SMAP2: variants seen among roughly 807,000 people sequenced by gnomAD.
SMAP2 encodes small ArfGAP2, also known as stromal membrane-associated protein 2.
A neutral mutation model predicts 56.4 loss-of-function variants in SMAP2; 25 were observed. The ratio of observed to expected loss-of-function variants is 0.44; its 90% CI spans 0.32 to 0.62. The LOEUF is 0.62. SMAP2 is among the 20% of genes least tolerant of loss of function. The probability of loss-of-function intolerance (pLI) is 0.04; values close to 1 mark genes in which losing one functional copy is unlikely to be tolerated. For synonymous variants in SMAP2, 157 were observed against 181.7 expected, an observed-to-expected ratio of 0.86 and a Z score of 1.09; for missense variants, 388 against 545.6, an observed-to-expected ratio of 0.71 and a Z score of 2.88.
intron 1 of SMAP2, among the ~76,000 whole-genome samples, chr1:40,394,424 A>G (rs1569875053): frequency 1.3e-5 from 2 of 152,066 alleles, no homozygotes; most frequent in African/African-American, 4.8e-5. Context: ...TCAGATTTTT[A>G]AGTTTTATCT....
At chr1:40,383,648 G>C (rs940910769) in intron 1 of SMAP2, among the ~76,000 whole-genome samples, 1 of 152,156 alleles carries the variant, frequency 6.6e-6, no homozygotes, top group Admixed American at 6.5e-5. Context: ...ATATACTTAG[G>C]GGGTATGACT....
intron 7 of SMAP2, 72 bp downstream of exon 7, chr1:40,415,453 C>A: frequency 1.0e-6 from 1 of 984,022 alleles, no homozygotes; most frequent in Non-Finnish European, 1.6e-6. Context: ...AATCATGGAA[C>A]CACGTCATGC....
intron 1 of SMAP2, among the ~76,000 whole-genome samples, chr1:40,349,433 G>A (rs188384988): frequency 1.3e-5 from 2 of 152,278 alleles, no homozygotes; most frequent in East Asian, 3.9e-4. Flanking sequence ...CTTGCCTCAA[G>A]TCACACAGCT....
At chr1:40,372,291 T>C (rs1166928600), upstream of SMAP2, among the ~76,000 whole-genome samples, 1 of 152,110 alleles carries the variant, frequency 6.6e-6, no homozygotes, top group Non-Finnish European at 1.5e-5. Context: ...GTTGTTGTTG[T>C]TTGAGACAGG....
intron 2 of SMAP2, among the ~76,000 whole-genome samples, chr1:40,365,554 G>A (rs1569827252): frequency 1.3e-5 from 2 of 152,248 alleles, no homozygotes; most frequent in East Asian, 3.9e-4. Flanking sequence ...GGCCGAATAG[G>A]AACAGCTCCG....
intron 1 of SMAP2, among the ~76,000 whole-genome samples, chr1:40,383,337 C>G (rs1158266827): frequency 6.6e-6 from 1 of 152,196 alleles, no homozygotes; most frequent in Admixed American, 6.5e-5. Flanking sequence ...CTCTTATCCT[C>G]CTCAGTGCCT....
chr1:40,406,633 A>G, intron 1 of SMAP2, 103 bp from the exon 2 acceptor site: 2 of 1,312,162 alleles, frequency 1.5e-6, no homozygotes, highest in Non-Finnish European at 2.1e-6. Context: ...GGTAAAAATT[A>G]TTTCACTTAT....
chr1:40,403,618 C>T, intron 1 of SMAP2: 6 of 983,878 alleles, frequency 6.1e-6, no homozygotes, highest in Non-Finnish European at 7.2e-6. Flanking sequence ...GAAGTGGGTT[C>T]TGGAAACCTT....
chr1:40,394,082 T>C (rs1018565729), intron 1 of SMAP2, among the ~76,000 whole-genome samples: 2 of 152,216 alleles, frequency 1.3e-5, no homozygotes, highest in Admixed American at 6.5e-5. Flanking sequence ...TTCATTCATA[T>C]GCTTGTTTTC....
chr1:40,414,021 C>G, intron 5 of SMAP2, 138 bp from the exon 6 acceptor site: 6 of 706,652 alleles, frequency 8.5e-6, no homozygotes, highest in Non-Finnish European at 1.2e-5. Context: ...CCTAATACTT[C>G]CTGAGTTTTG....
chr1:40,422,315 A>G lies in SMAP2; in HGVS notation c.*214A>G, dbSNP rs1358490516. 3.6e-6 allele frequency: 2 copies of G among 560,860 alleles called. No homozygotes were observed. The highest frequency in any genetic ancestry group is 1.9e-5 in the African/African-American group (1 of 52,582). The allele number at this position is 560,860 out of a possible 1,614,324, so 34.7% of individuals were successfully genotyped here. Reference sequence around the variant, plus strand: ...TTGTACATGCCCCATAGCCATCCCAACGTCCTCCCCAGTCCTCTCCTGGCA... The same window carrying G: ...TTGTACATGCCCCATAGCCATCCCAGCGTCCTCCCCAGTCCTCTCCTGGCA... On this transcript the variant is annotated 3_prime_UTR_variant, in exon 10 of 10. Coordinates refer to ENST00000372718, the MANE Select transcript of SMAP2 (RefSeq NM_022733.3).
chr1:40,363,882 G>A lies in SMAP2; in HGVS notation c.55+1446G>A, dbSNP rs539004869. On this transcript the variant is annotated intron_variant, in intron 2 of 6. Transcript: ENST00000435168. Reference sequence around the variant, plus strand: ...CAACCCTGGGCAGAACTCAGCTGGTGCCCCCAGAGGCAGCATTTAGACCAG... The same window carrying A: ...CAACCCTGGGCAGAACTCAGCTGGTACCCCCAGAGGCAGCATTTAGACCAG... Among the ~76,000 whole-genome samples, 3 of 152,282 alleles carry A rather than the reference G, an allele frequency of 2.0e-5. No individual in the cohort carries two copies. The East Asian group carries it at 5.8e-4, about 29-fold the overall frequency.
At position 40,408,313 on chromosome 1, in the gene SMAP2, G is replaced by A. The variant is rs1644904917; in HGVS notation, c.238-340G>A. The stretch of plus-strand genomic sequence containing the variant: ...AGTATAAACTCAGAATGATAACACT[G>A]ATCATTGCCTGCCAAGTAGACATTT... On this transcript the variant is annotated intron_variant, in intron 2 of 9. Transcript: ENST00000372718. This position sits in a 1 kb window ranked among gnomAD's most constrained non-coding sequence, Gnocchi z 4.3. Among the ~76,000 whole-genome samples the A allele has an allele frequency of 6.6e-6, 1 of 152,316 alleles. No homozygotes were observed.
intron 1 of SMAP2, chr1:40,393,215 A>G (rs888355393): frequency 5.6e-6 from 6 of 1,066,812 alleles, no homozygotes; most frequent in Non-Finnish European, 7.8e-6. Context: ...AGTCCCAGCT[A>G]CTCAAGAAGC....
chr1:40,347,258 T>TGTG (rs1557819108), intron 1 of SMAP2, among the ~76,000 whole-genome samples: 1 of 141,830 alleles, frequency 7.1e-6, no homozygotes, highest in Non-Finnish European at 1.5e-5. Flanking sequence ...TTTGTTTTTT[T>TGTG]TTTTTTTTTT....
chr1:40,353,258 T>C (rs1032913606), intron 1 of SMAP2, among the ~76,000 whole-genome samples: 1 of 152,212 alleles, frequency 6.6e-6, no homozygotes, highest in African/African-American at 2.4e-5. Context: ...TCTTCCTTCA[T>C]TGGAAGATGA....
rs139782455 is a variant in SMAP2 at position 40,406,968 on chromosome 1, G to C, written c.237+99G>C. ...ACCTGGCACAAAGGTGAAGATAAAGGAAAATTTAGTTGTTAAACACTTAAC... is the reference window on the plus strand; with the variant it reads ...ACCTGGCACAAAGGTGAAGATAAAGCAAAATTTAGTTGTTAAACACTTAAC... On this transcript the variant is annotated intron_variant, in intron 2 of 9. Transcript: ENST00000372718. The C allele has an allele frequency of 2.0e-4, 270 of 1,346,466 alleles. 3 individuals are homozygous for C. In the East Asian group the frequency reaches 6.4e-3, roughly 32 times the overall value. 83.4% of individuals were successfully genotyped at this position (1,346,466 alleles called of 1,614,324 possible).
intron 1 of SMAP2, 79 bp from the exon 2 acceptor site, chr1:40,406,657 T>G: frequency 6.9e-7 from 1 of 1,442,560 alleles, no homozygotes; most frequent in Non-Finnish European, 9.5e-7. Flanking sequence ...CTAGCAGAAA[T>G]GTCTGATAAT....
chr1:40,357,741 T>C (rs939890594), intron 1 of SMAP2, among the ~76,000 whole-genome samples: 4 of 152,192 alleles, frequency 2.6e-5, no homozygotes, highest in Non-Finnish European at 5.9e-5. Context: ...ACTGTAGGTG[T>C]ATGGATTTGT....
Sources: allele counts gnomAD v4.1 joint callset (sites outside exome capture counted in the v4.1 genomes callset), GRCh38; gene constraint gnomAD v4.1.1; non-coding constraint Gnocchi (gnomAD v3.1); transcripts MANE v1.5; gene names NCBI Gene and HGNC (gene_info 2026-07-23, HGNC 2026-07-21).